LARS1: variants seen among roughly 807,000 people sequenced by gnomAD.
LARS1 encodes the protein leucine--tRNA ligase, cytoplasmic.
LARS1 carries 100 observed loss-of-function variants against 162.8 expected under a neutral mutation model. The observed-to-expected ratio is 0.61, with a 90% CI of 0.52 to 0.73. The LOEUF (loss-of-function observed/expected upper bound fraction) is 0.73, where lower values mean the gene tolerates loss of function less well. Among genes scored for constraint, LARS1 ranks in the 30% least tolerant of loss-of-function variants. The pLI, the probability that LARS1 is intolerant of heterozygous loss-of-function variation, is 0.00. For synonymous variants in LARS1, 457 were observed against 462.8 expected, an observed-to-expected ratio of 0.99 and a Z score of 0.16; for missense variants, 1,258 against 1,408.9, an observed-to-expected ratio of 0.89 and a Z score of 1.71.
chr5:146,177,859 G>A (rs1754667968), intron 1 of LARS1, among the ~76,000 whole-genome samples, 194 bp from the exon 2 acceptor site: 1 of 152,168 alleles, frequency 6.6e-6, no homozygotes, highest in Admixed American at 6.6e-5. Context: ...CAGCACTTTG[G>A]GAGGCCGAGG....
At chr5:146,179,990 GT>G (rs1754762851) in intron 1 of LARS1, among the ~76,000 whole-genome samples, 1 of 152,226 alleles carries the variant, frequency 6.6e-6, no homozygotes, top group South Asian at 2.1e-4. Context: ...CATTTATGCA[GT>G]TGGGCTGTAA....
intron 30 of LARS1, 84 bp from the exon 31 acceptor site, chr5:146,120,587 GA>G (rs1751778953): frequency 7.6e-7 from 1 of 1,316,142 alleles, no homozygotes. Context: ...AATGCCCAAT[GA>G]AAGACAGATC....
intron 2 of LARS1, 65 bp downstream of exon 2, chr5:146,177,482 A>AAAG (rs1554074061): frequency 2.0e-5 from 3 of 151,582 alleles, no homozygotes; most frequent in African/African-American, 8.1e-5. Flanking sequence ...AAAAAAAAAA[A>AAAG]AATATATATA....
At chr5:146,160,275 A>G (rs1753723032) in intron 7 of LARS1, 99 bp downstream of exon 7, 2 of 558,324 alleles carry the variant, frequency 3.6e-6, no homozygotes, top group South Asian at 5.4e-5. Context: ...GCCTCAAGCA[A>G]TCCCCTCACC....
intron 13 of LARS1, 122 bp downstream of exon 13, chr5:146,153,052 C>T: frequency 1.4e-6 from 1 of 732,788 alleles, no homozygotes; most frequent in Non-Finnish European, 2.2e-6. Flanking sequence ...TGAGTAAATC[C>T]TTAAGCAAAC....
intron 31 of LARS1, 103 bp from the exon 32 acceptor site, chr5:146,114,414 AACAAAAATATTTTC>A (rs1335120607): frequency 1.1e-6 from 1 of 883,690 alleles, no homozygotes; most frequent in Non-Finnish European, 1.7e-6. Context: ...GTTATATCTA[AACAAAAATATTTTC>A]TTCAGATTAT....
At chr5:146,140,820 T>TAC (rs569503022) in intron 20 of LARS1, among the ~76,000 whole-genome samples, 15 of 151,660 alleles carry the variant, frequency 9.9e-5, no homozygotes, top group Admixed American at 2.0e-4. Flanking sequence ...AATGTATATA[T>TAC]ACACACACAC....
intron 20 of LARS1, among the ~76,000 whole-genome samples, chr5:146,140,518 T>C (rs922787523): frequency 1.3e-5 from 2 of 152,138 alleles, no homozygotes; most frequent in Non-Finnish European, 2.9e-5. Flanking sequence ...CTTAAAAATA[T>C]ATGTGAAGGC....
intron 7 of LARS1, among the ~76,000 whole-genome samples, chr5:146,159,776 T>C (rs62373789): frequency 6.6e-6 from 1 of 151,846 alleles, no homozygotes; most frequent in Non-Finnish European, 1.5e-5. Flanking sequence ...AAGTTGATTA[T>C]GTAGATTAAT....
chr5:146,176,567 ATTG>A (rs1028665242), intron 2 of LARS1, among the ~76,000 whole-genome samples: 47 of 152,134 alleles, frequency 3.1e-4, no homozygotes, highest in African/African-American at 1.0e-3. Context: ...ACTTACTATT[ATTG>A]TTGTTACTAT....
At chr5:146,182,411 G>A (rs780473698) in intron 1 of LARS1, 77 bp downstream of exon 1, 2 of 1,575,004 alleles carry the variant, frequency 1.3e-6, no homozygotes, top group Non-Finnish European at 1.7e-6. Flanking sequence ...TTCCCTTCAG[G>A]ACAGCACATG....
intron 4 of LARS1, 93 bp from the exon 5 acceptor site, chr5:146,168,358 G>C: frequency 7.2e-7 from 1 of 1,382,462 alleles, no homozygotes; most frequent in Non-Finnish European, 9.8e-7. Context: ...AATTGACTCT[G>C]AAATTTTTTG....
chr5:146,115,236 T>C (rs1474768000), intron 31 of LARS1, among the ~76,000 whole-genome samples: 2 of 152,116 alleles, frequency 1.3e-5, no homozygotes, highest in Non-Finnish European at 1.5e-5. Context: ...ATCATTTTTA[T>C]ATGCTTCAAT....
In LARS1 at chr5:146,153,932, TCA is replaced by T; in HGVS notation, c.1112_1113del (p.Val371AspfsTer10). 1 of 1,612,236 alleles carries T rather than the reference TCA, an allele frequency of 6.2e-7. No homozygotes were observed. Among genetic ancestry groups the T allele is most frequent in the Non-Finnish European group, 8.5e-7 (1 of 1,179,456 alleles). Reference sequence around the variant, plus strand: ...ATAGTTAGCATTGGGAGAACATAGATCACCTTGTATGATGTTAAAGGTGCAGA... The same window carrying T: ...ATAGTTAGCATTGGGAGAACATAGATCCTTGTATGATGTTAAAGGTGCAGA... ...SLSAPLTSYK[V>X]IYVLPMLTIK... On this transcript the variant is annotated frameshift_variant, in exon 11 of 32. Coordinates refer to ENST00000394434, the MANE Select transcript of LARS1 (RefSeq NM_020117.11). LOFTEE classifies it high-confidence loss of function.
intron 22 of LARS1, among the ~76,000 whole-genome samples, chr5:146,135,220 T>G (rs907353051): frequency 6.6e-6 from 1 of 151,564 alleles, no homozygotes; most frequent in Non-Finnish European, 1.5e-5. Flanking sequence ...TTTCACCATG[T>G]TGGCCAGGCT....
chr5:146,122,462 C>T, intron 30 of LARS1, 30 bp downstream of exon 30: 2 of 1,225,506 alleles, frequency 1.6e-6, no homozygotes, highest in South Asian at 1.3e-5. Flanking sequence ...TTTTAAAATG[C>T]AATGATTCAG....
chr5:146,140,722 T>C (rs538197330), intron 20 of LARS1, among the ~76,000 whole-genome samples: 34 of 152,246 alleles, frequency 2.2e-4, no homozygotes, highest in African/African-American at 8.2e-4. Context: ...AGACAGTTGC[T>C]TGAACCTGGG....
At chr5:146,144,578 G>T (rs900596120) in intron 16 of LARS1, 41 bp from the exon 17 acceptor site, 1 of 1,612,006 alleles carries the variant, frequency 6.2e-7, no homozygotes, top group East Asian at 2.2e-5. Context: ...TTAAGTCAAA[G>T]GTGAGCAAAT....
chr5:146,137,532 C>T (rs1199060455), intron 21 of LARS1, among the ~76,000 whole-genome samples: 1 of 152,056 alleles, frequency 6.6e-6, no homozygotes, highest in Non-Finnish European at 1.5e-5. Flanking sequence ...ATAGTAACAG[C>T]AGAAGCATAG....
Sources: gnomAD v4.1 joint callset for allele counts (sites outside exome capture counted in the v4.1 genomes callset) on GRCh38, gnomAD v4.1.1 for gene constraint, MANE v1.5 for transcripts, NCBI Gene and HGNC (gene_info 2026-07-23, HGNC 2026-07-21) for gene names.